The following LARP1B variants were observed in gnomAD, a reference collection of about 807,000 sequenced individuals.
LARP1B encodes la-related protein 1B.
Under a neutral mutation model 114.2 loss-of-function variants are expected in LARP1B, and 76 were observed. The ratio of observed to expected loss-of-function variants is 0.67; its 90% CI spans 0.55 to 0.81. The LOEUF is 0.81. LARP1B is among the 30% of genes least tolerant of loss of function. The probability of loss-of-function intolerance (pLI) is 0.00; values close to 1 mark genes in which losing one functional copy is unlikely to be tolerated. For missense variants in LARP1B, 1,014 were observed against 1,075.8 expected (o/e 0.94, Z 0.80); for synonymous variants, 345 against 348.0 (o/e 0.99, Z 0.10).
chr4:128,066,469 C>T (rs1402959998), intron 1 of LARP1B, among the ~76,000 whole-genome samples: 2 of 138,122 alleles, frequency 1.4e-5, no homozygotes, highest in African/African-American at 5.2e-5. Flanking sequence ...TGAGCCACTG[C>T]GCCCGGCCTT....
intron 7 of LARP1B, among the ~76,000 whole-genome samples, chr4:128,095,489 C>CAAAAA (rs11311661): frequency 2.3e-4 from 14 of 61,242 alleles, no homozygotes; most frequent in South Asian, 5.6e-4. Flanking sequence ...AACTCCATCT[C>CAAAAA]AAAAAAAAAA....
chr4:128,166,652 T>C (rs1036532291), intron 12 of LARP1B, among the ~76,000 whole-genome samples: 1 of 151,668 alleles, frequency 6.6e-6, no homozygotes, highest in Non-Finnish European at 1.5e-5. Flanking sequence ...GGCCCTCAGG[T>C]TGTACATTAG....
At chr4:128,155,881 C>T in intron 11 of LARP1B, 1 of 1,554,160 alleles carries the variant, frequency 6.4e-7, no homozygotes, top group Non-Finnish European at 8.9e-7. Context: ...GGAGCTGGTG[C>T]TGGAAGCCCA....
chr4:128,111,608 T>G (rs907974744), intron 9 of LARP1B, among the ~76,000 whole-genome samples: 3 of 152,084 alleles, frequency 2.0e-5, no homozygotes, highest in Non-Finnish European at 4.4e-5. Context: ...CAGGCTGAGT[T>G]GAGAGGATTA....
At chr4:128,179,252 T>G in intron 14 of LARP1B, 154 bp from the exon 15 acceptor site, 19 of 447,974 alleles carry the variant, frequency 4.2e-5, no homozygotes, top group Middle Eastern at 4.1e-4. Context: ...AACTTGTGTG[T>G]GAGATTTTTG....
At chr4:128,208,684 TG>T (rs1173029243) in intron 19 of LARP1B, among the ~76,000 whole-genome samples, 1 of 152,198 alleles carries the variant, frequency 6.6e-6, no homozygotes, top group Non-Finnish European at 1.5e-5. Flanking sequence ...ACTAGTTCAT[TG>T]GTGTCCAGTT....
chr4:128,081,138 G>A (rs1770201019), intron 4 of LARP1B, among the ~76,000 whole-genome samples: 1 of 149,864 alleles, frequency 6.7e-6, no homozygotes. Context: ...GAGTGCAGTG[G>A]CACGATCTCG....
intron 11 of LARP1B, chr4:128,155,502 G>T: frequency 1.3e-6 from 1 of 791,632 alleles, no homozygotes; most frequent in Non-Finnish European, 2.3e-6. Flanking sequence ...TCCACCTCGT[G>T]CCAAGGATCA....
Position 128,210,011 on chromosome 4 carries a change from C to T in LARP1B, c.2703C>T (p.Pro901=), listed in dbSNP as rs1758695241. 1 of 1,613,944 alleles carries T rather than the reference C, an allele frequency of 6.2e-7. No homozygotes were observed. Among genetic ancestry groups the T allele is most frequent in the African/African-American group, 1.3e-5 (1 of 74,894 alleles). ...AGCTTCAGGTACCAATAAACTCTCCCAGAAGGAATATTTCACCGGAGTCCA... is the reference window on the plus strand; with the variant it reads ...AGCTTCAGGTACCAATAAACTCTCCTAGAAGGAATATTTCACCGGAGTCCA... ...TSELQVPINS[P]RRNISPESSD... The change falls in exon 20 of 20, where the codon CCC becomes CCT. Residue 901 remains proline, a synonymous_variant. Transcript: ENST00000326639.
chr4:128,118,082 A>ATTTTTT lies in LARP1B; in HGVS notation c.1161+3359_1161+3364dup, dbSNP rs34699544. ...AGGCACAAACCAACAGGCCCGGCTA[A>ATTTTTT]TTTTTTTTTTTTTTTTTTTTTTTTG... On this transcript the variant is annotated intron_variant, in intron 10 of 19. Transcript: ENST00000326639. Among the ~76,000 whole-genome samples the ATTTTTT allele has an allele frequency of 3.0e-3, 227 of 76,734 alleles. 1 individual carries two copies. Among genetic ancestry groups the ATTTTTT allele is most frequent in the Non-Finnish European group, 3.5e-3 (151 of 43,544 alleles). The allele number at this position is 76,734 out of a possible 152,430, so 50.3% of individuals were successfully genotyped here.
chr4:128,220,958 T>G (rs1759976416), intron 7 of LARP1B, among the ~76,000 whole-genome samples: 1 of 152,262 alleles, frequency 6.6e-6, no homozygotes, highest in African/African-American at 2.4e-5. Context: ...GCTCTTCATC[T>G]TAACCAGATT....
At chr4:128,108,896 A>G (rs1783007915) in intron 9 of LARP1B, 8 of 934,874 alleles carry the variant, frequency 8.6e-6, no homozygotes, top group Non-Finnish European at 1.0e-5. Context: ...TATAAGAATA[A>G]AATCATAATG....
Position 128,091,141 on chromosome 4 carries a change from C to T in LARP1B, c.499C>T (p.Arg167Ter), listed in dbSNP as rs868251340. ...AAGAGGACGAGGCAGAGGAAATCCT[C>T]GATGTATGACATAATTTTTGTTTCG... ...RGRGRGRGNP[R>*]LNFDYSYGYQ... is the part of the protein sequence containing the mutation. The change falls in exon 6 of 20, where the codon CGA becomes TGA. Residue 167 changes from arginine to a stop codon, truncating the protein, a stop_gained. Coordinates refer to ENST00000326639, the MANE Select transcript of LARP1B (RefSeq NM_018078.4). LOFTEE classifies it high-confidence loss of function. 1.9e-6 allele frequency: 3 copies of T among 1,607,268 alleles called. No individual in the cohort carries two copies. In the Admixed American group the frequency reaches 5.1e-5, roughly 28 times the overall value.
Position 128,064,397 on chromosome 4 carries a change from A to G in LARP1B, c.-78+2996A>G, listed in dbSNP as rs1368048629. ...AGTTAATTCATTCATTTGCCTTTGC[A>G]CAGAAATACTCCTCATTAATTGTTG... On this transcript the variant is annotated intron_variant, in intron 1 of 19. Coordinates refer to ENST00000326639, the MANE Select transcript of LARP1B (RefSeq NM_018078.4). 4.6e-5 allele frequency among the ~76,000 whole-genome samples: 7 copies of G among 152,112 alleles called. No homozygotes were observed. In the East Asian group the frequency reaches 9.7e-4, roughly 21 times the overall value.
At chr4:128,108,652 G>C in intron 9 of LARP1B, 2 of 985,028 alleles carry the variant, frequency 2.0e-6, no homozygotes, top group South Asian at 9.4e-5. Flanking sequence ...ATTTTAGCTA[G>C]TGGTTTTTAA....
At chr4:128,130,873 A>C (rs901213257) in intron 11 of LARP1B, among the ~76,000 whole-genome samples, 1 of 152,240 alleles carries the variant, frequency 6.6e-6, no homozygotes, top group Non-Finnish European at 1.5e-5. Context: ...TCAAGCTGTG[A>C]AAAGACATGG....
intron 8 of LARP1B, among the ~76,000 whole-genome samples, chr4:128,098,747 G>GTGTGTGTGTATATA: frequency 1.3e-4 from 2 of 15,586 alleles, no homozygotes; most frequent in African/African-American, 1.9e-4. Flanking sequence ...ATATGTATGT[G>GTGTGTGTGTATATA]TATATATATA....
intron 15 of LARP1B, among the ~76,000 whole-genome samples, chr4:128,187,753 A>G (rs112744814): frequency 2.6e-5 from 4 of 152,200 alleles, no homozygotes; most frequent in Non-Finnish European, 2.9e-5. Context: ...CTCATGTTCA[A>G]TTGTAATCCC....
chr4:128,142,850 CT>C (rs1419621850), intron 11 of LARP1B, among the ~76,000 whole-genome samples: 3 of 152,054 alleles, frequency 2.0e-5, no homozygotes, highest in Non-Finnish European at 4.4e-5. Flanking sequence ...TACACTCTTC[CT>C]AACACCTTAC....
Sources: allele counts gnomAD v4.1 joint callset (sites outside exome capture counted in the v4.1 genomes callset), GRCh38; gene constraint gnomAD v4.1.1; transcripts MANE v1.5; gene names NCBI Gene and HGNC (gene_info 2026-07-23, HGNC 2026-07-21).